The following ITPR2 variants were observed in gnomAD, a reference collection of about 807,000 sequenced individuals.
The protein encoded by ITPR2 is inositol 1,4,5-trisphosphate receptor type 2.
Under a neutral mutation model 317.1 loss-of-function variants are expected in ITPR2, and 207 were observed. The ratio of observed to expected loss-of-function variants is 0.65; its 90% CI spans 0.58 to 0.73. The LOEUF is 0.73. ITPR2 is among the 30% of genes least tolerant of loss of function. ITPR2 has a pLI of 0.00. For missense variants in ITPR2, 2,613 were observed against 3,284.0 expected, an observed-to-expected ratio of 0.80 and a Z score of 4.99; for synonymous variants, 1,156 against 1,149.1, an observed-to-expected ratio of 1.01 and a Z score of -0.12.
rs531274155 is a variant in ITPR2, at chr12:26,510,237, C to T, written c.5074-14977G>A. ...ACTGCATACTAATATGCTAGTCTTTCCAAATAAACGTACACTATAATTACA... is the reference window on the plus strand; with the variant it reads ...ACTGCATACTAATATGCTAGTCTTTTCAAATAAACGTACACTATAATTACA... On this transcript the variant is annotated intron_variant, in intron 37 of 56. Transcript: ENST00000381340. 4.6e-5 allele frequency among the ~76,000 whole-genome samples: 7 copies of T among 152,206 alleles called. No homozygotes were observed. In the South Asian group the frequency reaches 1.5e-3, roughly 32 times the overall value.
chr12:26,533,481 C>T (rs970674780), intron 37 of ITPR2, among the ~76,000 whole-genome samples: 1 of 152,238 alleles, frequency 6.6e-6, no homozygotes, highest in East Asian at 1.9e-4. Context: ...TTGCACATCT[C>T]ATCTATGAAA....
intron 48 of ITPR2, among the ~76,000 whole-genome samples, chr12:26,432,442 A>G (rs1368572497): frequency 6.6e-6 from 1 of 152,182 alleles, no homozygotes; most frequent in East Asian, 1.9e-4. Flanking sequence ...GTCTCATTAC[A>G]GGTGCCATTA....
chr12:26,533,665 A>G (rs572608146), intron 37 of ITPR2, among the ~76,000 whole-genome samples: 1 of 152,290 alleles, frequency 6.6e-6, no homozygotes, highest in Admixed American at 6.5e-5. Context: ...GGAAATTTGG[A>G]CACAGACACA....
intron 30 of ITPR2, among the ~76,000 whole-genome samples, chr12:26,598,339 C>T (rs564016423): frequency 9.2e-5 from 14 of 152,282 alleles, no homozygotes; most frequent in African/African-American, 3.1e-4. Context: ...GAAATCTCCT[C>T]CATTCCCAAA....
intron 2 of ITPR2, among the ~76,000 whole-genome samples, chr12:26,742,808 G>T (rs535079372): frequency 7.4e-4 from 110 of 148,414 alleles, no homozygotes; most frequent in African/African-American, 2.7e-3. Context: ...ACAAGACTCT[G>T]TCTTGGGAAA....
chr12:26,513,136 C>T (rs759569302), intron 37 of ITPR2, among the ~76,000 whole-genome samples: 19 of 152,142 alleles, frequency 1.2e-4, no homozygotes, highest in South Asian at 1.0e-3. Flanking sequence ...CCACCGCGCC[C>T]GGCCGGGAAA....
At position 26,832,031 on chromosome 12, in the gene ITPR2, T is replaced by C. The variant is rs185160777; in HGVS notation, c.92+659A>G. Among the ~76,000 whole-genome samples the C allele has an allele frequency of 3.2e-3, 489 of 151,970 alleles. 1 individual carries two copies. Among genetic ancestry groups the C allele is most frequent in the Admixed American group, 5.6e-3 (85 of 15,238 alleles). ...TGGGCCAAGGCCTGGGAAGGAGAGA[T>C]AGCAGGTCTGAGTTCTAGAACCCAG... On this transcript the variant is annotated intron_variant, in intron 1 of 56. Coordinates refer to ENST00000381340, the MANE Select transcript of ITPR2 (RefSeq NM_002223.4).
chr12:26,444,787 T>C (rs940035501), intron 45 of ITPR2, among the ~76,000 whole-genome samples: 9 of 152,166 alleles, frequency 5.9e-5, no homozygotes, highest in Non-Finnish European at 5.9e-5. Flanking sequence ...AACATTATCC[T>C]TATAAGTGAT....
intron 2 of ITPR2, among the ~76,000 whole-genome samples, chr12:26,756,250 C>A (rs183270906): frequency 1.2e-3 from 182 of 152,184 alleles, no homozygotes; most frequent in African/African-American, 4.0e-3. Context: ...AAGTTTGTTT[C>A]TGTAACTTAG....
chr12:26,476,914 G>A lies in ITPR2; in HGVS notation c.6217C>T (p.Leu2073=). ...CAAGCTTTTAAAAGTTTTCTTACCAGTTCTCTGGGTCTCATGTTAAAAAGA... is the reference window on the plus strand; with the variant it reads ...CAAGCTTTTAAAAGTTTTCTTACCAATTCTCTGGGTCTCATGTTAAAAAGA... ...RILFNMRPRE[L]VDVMKNAYNQ... Residue 2073 remains leucine, a splice_region_variant and synonymous_variant, in exon 44 of 57, where the codon CTG becomes TTG. Coordinates refer to ENST00000381340, the MANE Select transcript of ITPR2 (RefSeq NM_002223.4). 6.2e-7 allele frequency: 1 copy of A among 1,607,294 alleles called. No homozygotes were observed. The highest frequency in any genetic ancestry group is 2.2e-5 in the East Asian group (1 of 44,784).
chr12:26,451,876 T>C (rs1363881874), intron 45 of ITPR2, among the ~76,000 whole-genome samples: 4 of 152,226 alleles, frequency 2.6e-5, no homozygotes, highest in Non-Finnish European at 5.9e-5. Flanking sequence ...CAGTTTTTAG[T>C]AAGCATGCTA....
intron 37 of ITPR2, among the ~76,000 whole-genome samples, chr12:26,501,161 T>C (rs1174566530): frequency 6.6e-6 from 1 of 152,078 alleles, no homozygotes; most frequent in African/African-American, 2.4e-5. Context: ...TACAAGGAGG[T>C]GATGATAGGT....
chr12:26,543,595 G>A (rs1344844573), intron 37 of ITPR2, among the ~76,000 whole-genome samples: 2 of 152,126 alleles, frequency 1.3e-5, no homozygotes, highest in African/African-American at 4.8e-5. Context: ...CCAAGATGGT[G>A]AAACCCTGTT....
At chr12:26,684,742 T>TGA (rs1948095037) in intron 11 of ITPR2, among the ~76,000 whole-genome samples, 1 of 152,188 alleles carries the variant, frequency 6.6e-6, no homozygotes, top group South Asian at 2.1e-4. Context: ...CACTTTCTAG[T>TGA]AAGACCCTTT....
chr12:26,345,648 GTGAATATGCTTTTCCAT>G (rs1210696988), intron 55 of ITPR2, among the ~76,000 whole-genome samples: 1 of 152,170 alleles, frequency 6.6e-6, no homozygotes, highest in Non-Finnish European at 1.5e-5. Context: ...TTCTTACACA[GTGAATATGCTTTTCCAT>G]TGAAAGTAGC....
intron 55 of ITPR2, among the ~76,000 whole-genome samples, chr12:26,387,122 C>A (rs917044357): frequency 1.3e-5 from 2 of 152,272 alleles, no homozygotes; most frequent in African/African-American, 4.8e-5. Flanking sequence ...GGAAGTGGGA[C>A]ATCAGCAATG....
At position 26,481,126 on chromosome 12, in the gene ITPR2, T is replaced by A; in HGVS notation, c.6123+5A>T. 1 of 1,570,010 alleles carries A rather than the reference T, an allele frequency of 6.4e-7. No homozygotes were observed. Among genetic ancestry groups the A allele is most frequent in the Non-Finnish European group, 8.8e-7 (1 of 1,139,956 alleles). ...TTTCTGGCCTGAACAGTGGAATCGC[T>A]CTACCTTTAGCTGGAGCACCAGGTC... On this transcript the variant is annotated splice_donor_5th_base_variant and intron_variant, in intron 43 of 56. Coordinates refer to ENST00000381340, the MANE Select transcript of ITPR2 (RefSeq NM_002223.4).
At chr12:26,534,604 C>A (rs1381316807) in intron 37 of ITPR2, among the ~76,000 whole-genome samples, 7 of 151,988 alleles carry the variant, frequency 4.6e-5, no homozygotes, top group Admixed American at 2.0e-4. Flanking sequence ...AAAGAAAACC[C>A]AAAGCTTTAT....
At chr12:26,341,305 C>T (rs1191792290) in intron 55 of ITPR2, among the ~76,000 whole-genome samples, 8 of 152,202 alleles carry the variant, frequency 5.3e-5, no homozygotes, top group Non-Finnish European at 8.8e-5. Context: ...CACCTTCTCC[C>T]AACATCCCTA....
Sources: allele counts gnomAD v4.1 joint callset (sites outside exome capture counted in the v4.1 genomes callset), GRCh38; gene constraint gnomAD v4.1.1; transcripts MANE v1.5; gene names NCBI Gene and HGNC (gene_info 2026-07-23, HGNC 2026-07-21).